Variants in CPNE8 observed in about 807,000 individuals in gnomAD.
CPNE8 encodes the protein copine-8.
In CPNE8, 45 loss-of-function variants were observed where a neutral mutation model predicts 81.5. The ratio of observed to expected loss-of-function variants is 0.55; its 90% CI spans 0.44 to 0.71. CPNE8 has a LOEUF of 0.71. Among genes scored for constraint, CPNE8 ranks in the 30% least tolerant of loss-of-function variants. CPNE8 has a pLI of 0.00. For missense variants in CPNE8, 594 were observed against 672.1 expected (o/e 0.88, Z 1.28); for synonymous variants, 252 against 226.3 (o/e 1.11, Z -1.02).
chr12:38,794,911 C>G (rs1942418766), intron 6 of CPNE8, among the ~76,000 whole-genome samples: 1 of 152,128 alleles, frequency 6.6e-6, no homozygotes, highest in South Asian at 2.1e-4. Context: ...GACTGGGCAC[C>G]ATCCAATCAA....
chr12:38,872,983 T>G, intron 3 of CPNE8, 21 bp downstream of exon 3: 1 of 1,390,514 alleles, frequency 7.2e-7, no homozygotes, highest in Non-Finnish European at 1.0e-6. Flanking sequence ...AGTGATTTTT[T>G]TAAAAAAGTT....
At chr12:38,757,994 C>G (rs1409313549) in intron 10 of CPNE8, among the ~76,000 whole-genome samples, 5 of 152,058 alleles carry the variant, frequency 3.3e-5, no homozygotes, top group Non-Finnish European at 7.4e-5. Flanking sequence ...ATCTTCCCCC[C>G]AAGCAGTTGA....
Position 38,677,515 on chromosome 12 carries a change from C to T in CPNE8, c.1311G>A (p.Val437=), listed in dbSNP as rs1318099485. The change falls in exon 17 of 20, where the codon GTG becomes GTA. Residue 437 remains valine, a synonymous_variant. Transcript: ENST00000331366. Reference sequence around the variant, plus strand: ...TAACACCATCTGTAACAATCAGAAGCACAAAATACTGGGAGCCATCCTTTA... The same window carrying T: ...TAACACCATCTGTAACAATCAGAAGTACAAAATACTGGGAGCCATCCTTTA... ...SSVKDGSQYF[V]LLIVTDGVIS... 6.2e-7 allele frequency: 1 copy of T among 1,612,504 alleles called. No homozygotes were observed. The highest frequency in any genetic ancestry group is 1.3e-5 in the African/African-American group (1 of 74,940).
intron 6 of CPNE8, among the ~76,000 whole-genome samples, chr12:38,776,652 T>C (rs1189570689): frequency 6.6e-6 from 1 of 152,012 alleles, no homozygotes; most frequent in Non-Finnish European, 1.5e-5. Flanking sequence ...AACATGTCGA[T>C]CCTCTCCTCA....
rs1183045799 is a variant in CPNE8, at chr12:38,902,296, AAAGG to A, written c.98+3137_98+3140del. ...AAAGAAAAGAAAGAAGGAAGGAAGGAAAGGAAGGAAGGAAGGAAGGAAAGAAAGA... is the reference window on the plus strand; with the variant it reads ...AAAGAAAAGAAAGAAGGAAGGAAGGAAAGGAAGGAAGGAAGGAAAGAAAGA... On this transcript the variant is annotated intron_variant, in intron 1 of 19. Coordinates refer to ENST00000331366, the MANE Select transcript of CPNE8 (RefSeq NM_153634.3). Among the ~76,000 whole-genome samples, 166 of 56,158 alleles carry A rather than the reference AAAGG, an allele frequency of 3.0e-3. 4 individuals are homozygous for A. The highest frequency in any genetic ancestry group is 0.015 in the African/African-American group (146 of 9,556). The allele number at this position is 56,158 out of a possible 152,430, so 36.8% of individuals were successfully genotyped here.
chr12:38,739,511 TC>T (rs1941039303), intron 10 of CPNE8, among the ~76,000 whole-genome samples: 1 of 152,132 alleles, frequency 6.6e-6, no homozygotes. Context: ...ATTATAAAAA[TC>T]TTTGAATATT....
chr12:38,797,161 A>C (rs576620290), intron 6 of CPNE8, among the ~76,000 whole-genome samples: 6 of 152,304 alleles, frequency 3.9e-5, no homozygotes, highest in African/African-American at 1.4e-4. Flanking sequence ...CTGCAGACGT[A>C]AATGTCCCTG....
At chr12:38,795,573 A>G (rs577927030) in intron 6 of CPNE8, among the ~76,000 whole-genome samples, 1 of 152,342 alleles carries the variant, frequency 6.6e-6, no homozygotes, top group African/African-American at 2.4e-5. Context: ...ATAACATACT[A>G]CAAGAATGAA....
intron 4 of CPNE8, 55 bp downstream of exon 4, chr12:38,848,504 G>T (rs887167142): frequency 5.3e-5 from 80 of 1,511,656 alleles, no homozygotes; most frequent in Non-Finnish European, 6.8e-5. Flanking sequence ...CCTTACATTA[G>T]TAATATTGTC....
intron 6 of CPNE8, among the ~76,000 whole-genome samples, chr12:38,820,873 ATACATCCTCCT>A (rs1943100697): frequency 6.6e-6 from 1 of 152,204 alleles, no homozygotes; most frequent in Non-Finnish European, 1.5e-5. Flanking sequence ...TTTTGTTAGC[ATACATCCTCCT>A]TACATCCACT....
At chr12:38,850,089 C>G (rs1943621752) in intron 3 of CPNE8, among the ~76,000 whole-genome samples, 1 of 152,020 alleles carries the variant, frequency 6.6e-6, no homozygotes, top group African/African-American at 2.4e-5. Flanking sequence ...AGTATATACC[C>G]AAATAACCAG....
chr12:38,852,128 C>T (rs867488230), intron 3 of CPNE8, among the ~76,000 whole-genome samples: 1 of 152,036 alleles, frequency 6.6e-6, no homozygotes, highest in Non-Finnish European at 1.5e-5. Flanking sequence ...TGCTACTATA[C>T]ATTTAAATGT....
At chr12:38,816,472 T>C (rs1467458518) in intron 6 of CPNE8, among the ~76,000 whole-genome samples, 1 of 152,188 alleles carries the variant, frequency 6.6e-6, no homozygotes, top group African/African-American at 2.4e-5. Flanking sequence ...CCCTGTGTCA[T>C]AGTATACAGG....
chr12:38,815,216 C>A (rs1011274593), intron 6 of CPNE8, among the ~76,000 whole-genome samples: 5 of 152,166 alleles, frequency 3.3e-5, no homozygotes, highest in African/African-American at 1.2e-4. Flanking sequence ...TTCTGTGACC[C>A]TTCCAAGCAC....
intron 16 of CPNE8, among the ~76,000 whole-genome samples, chr12:38,679,400 G>A (rs1015433036): frequency 1.3e-5 from 2 of 151,776 alleles, no homozygotes; most frequent in Non-Finnish European, 3.0e-5. Flanking sequence ...TTGGAATTTC[G>A]CTGAAGTTTG....
intron 12 of CPNE8, 27 bp from the exon 13 acceptor site, chr12:38,723,860 T>C (rs1940631250): frequency 3.6e-6 from 5 of 1,385,112 alleles, no homozygotes; most frequent in Non-Finnish European, 5.1e-6. Context: ...CAGAATTACC[T>C]TCTAGTTGTT....
At chr12:38,733,747 G>T (rs929140120) in intron 10 of CPNE8, among the ~76,000 whole-genome samples, 2 of 151,906 alleles carry the variant, frequency 1.3e-5, no homozygotes, top group Non-Finnish European at 2.9e-5. Context: ...TGAGCAAATT[G>T]ATTACTACTG....
intron 2 of CPNE8, among the ~76,000 whole-genome samples, chr12:38,873,821 C>T (rs567793511): frequency 1.3e-5 from 2 of 152,224 alleles, no homozygotes; most frequent in Non-Finnish European, 2.9e-5. Flanking sequence ...CTAATTCAAA[C>T]TACCCTTCTC....
At chr12:38,684,104 G>A (rs1269978411) in intron 16 of CPNE8, among the ~76,000 whole-genome samples, 1 of 152,088 alleles carries the variant, frequency 6.6e-6, no homozygotes, top group Admixed American at 6.5e-5. Context: ...AAAGTGATCT[G>A]CAGGGTAGTG....
Sources: gnomAD v4.1 joint callset for allele counts (sites outside exome capture counted in the v4.1 genomes callset) on GRCh38, gnomAD v4.1.1 for gene constraint, MANE v1.5 for transcripts, NCBI Gene and HGNC (gene_info 2026-07-23, HGNC 2026-07-21) for gene names.